CSMD1: variants seen among roughly 807,000 people sequenced by gnomAD.
The protein encoded by CSMD1 is CUB and sushi domain-containing protein 1.
CSMD1 carries 213 observed loss-of-function variants against 417.5 expected under a neutral mutation model. The ratio of observed to expected loss-of-function variants is 0.51; its 90% CI spans 0.46 to 0.57. The LOEUF (loss-of-function observed/expected upper bound fraction) is 0.57. Among genes scored for constraint, CSMD1 ranks in the 20% least tolerant of loss-of-function variants. The pLI is 0.00. For missense variants in CSMD1, 6,923 were observed against 4,529.7 expected (o/e 1.53, Z -15.17); for synonymous variants, 2,862 against 1,736.8 (o/e 1.65, Z -16.11).
At chr8:3,847,364 G>C (rs1268365933) in intron 5 of CSMD1, among the ~76,000 whole-genome samples, 1 of 152,136 alleles carries the variant, frequency 6.6e-6, no homozygotes, top group Non-Finnish European at 1.5e-5. Flanking sequence ...GGAAGCAGAA[G>C]TGGTCCCCTC....
intron 1 of CSMD1, among the ~76,000 whole-genome samples, chr8:4,697,135 G>A (rs919024527): frequency 1.3e-5 from 2 of 152,080 alleles, no homozygotes; most frequent in Non-Finnish European, 2.9e-5. Context: ...TCGCGCCACT[G>A]CACTACAGCC....
intron 5 of CSMD1, among the ~76,000 whole-genome samples, chr8:3,904,392 T>C (rs1807967554): frequency 6.6e-6 from 1 of 152,148 alleles, no homozygotes; most frequent in Non-Finnish European, 1.5e-5. Flanking sequence ...GAAACCTCTT[T>C]ATTGCAATGG....
chr8:4,969,101 G>A (rs906425469), intron 1 of CSMD1, among the ~76,000 whole-genome samples: 3 of 152,088 alleles, frequency 2.0e-5, no homozygotes, highest in Admixed American at 2.0e-4. Flanking sequence ...CCTGGTGGTT[G>A]CTTTTATAAT....
intron 3 of CSMD1, among the ~76,000 whole-genome samples, chr8:4,354,398 C>T (rs1173155219): frequency 6.6e-6 from 1 of 152,150 alleles, no homozygotes; most frequent in Non-Finnish European, 1.5e-5. Flanking sequence ...TTAAAATACA[C>T]CGTTCCCCAA....
intron 3 of CSMD1, among the ~76,000 whole-genome samples, chr8:4,375,056 T>G (rs377683791): frequency 2.0e-5 from 3 of 151,082 alleles, no homozygotes; most frequent in Non-Finnish European, 4.4e-5. Context: ...GAGGCTGTTA[T>G]AGGTAGAAAA....
chr8:4,507,886 G>C (rs1428194289), intron 2 of CSMD1, among the ~76,000 whole-genome samples: 3 of 152,080 alleles, frequency 2.0e-5, no homozygotes, highest in African/African-American at 7.2e-5. Context: ...TAACATCTTT[G>C]AAATGAAAGT....
chr8:3,468,980 T>C (rs1288800432), intron 11 of CSMD1, among the ~76,000 whole-genome samples, 156 bp from the exon 12 acceptor site: 4 of 152,212 alleles, frequency 2.6e-5, no homozygotes, highest in Admixed American at 6.5e-5. Flanking sequence ...GTCCATTATA[T>C]TAATATTCAA....
chr8:4,888,028 G>A (rs979566679), intron 1 of CSMD1, among the ~76,000 whole-genome samples: 1 of 151,134 alleles, frequency 6.6e-6, no homozygotes, highest in South Asian at 2.1e-4. Flanking sequence ...TTCCTTTTTT[G>A]ACCCATATAT....
chr8:4,958,349 ACATGGT>A (rs1461213012), intron 1 of CSMD1, among the ~76,000 whole-genome samples: 1 of 152,164 alleles, frequency 6.6e-6, no homozygotes, highest in African/African-American at 2.4e-5. Context: ...TTAAAGGTGA[ACATGGT>A]TGATCTTTAC....
chr8:4,708,429 A>C (rs6992236), intron 1 of CSMD1, among the ~76,000 whole-genome samples: 1 of 151,826 alleles, frequency 6.6e-6, no homozygotes, highest in Non-Finnish European at 1.5e-5. Flanking sequence ...AAAACTGCTA[A>C]TAGTTTCACT....
Position 3,140,643 on chromosome 8 carries a change from A to G in CSMD1, c.6241+1822T>C, listed in dbSNP as rs577037919. The stretch of plus-strand genomic sequence containing the variant: ...AATGCCAAAGAGTTCATCATAAAAT[A>G]CTAGCCTCTTTCAGTAATAAATATC... On this transcript the variant is annotated intron_variant, in intron 41 of 69. Coordinates refer to ENST00000635120, the MANE Select transcript of CSMD1 (RefSeq NM_033225.6). 6.6e-5 allele frequency among the ~76,000 whole-genome samples: 10 copies of G among 152,242 alleles called. No homozygotes were observed. The East Asian group carries it at 1.9e-3, about 29-fold the overall frequency.
rs560816998 is a variant in CSMD1 at position 3,967,671 on chromosome 8, A to G, written c.818+30232T>C. Among the ~76,000 whole-genome samples, 16 of 152,238 alleles carry G rather than the reference A, an allele frequency of 1.1e-4. No homozygotes were observed. In the East Asian group the frequency reaches 2.1e-3, roughly 20 times the overall value. ...TCCCTGCCTACAATTGTCCTTGTCA[A>G]TACGTGCTGGGGTGAGCTTCAAAGG... On this transcript the variant is annotated intron_variant, in intron 5 of 69. Coordinates refer to ENST00000635120, the MANE Select transcript of CSMD1 (RefSeq NM_033225.6).
intron 3 of CSMD1, among the ~76,000 whole-genome samples, chr8:4,177,051 A>G (rs1798087595): frequency 6.6e-6 from 1 of 152,182 alleles, no homozygotes; most frequent in Non-Finnish European, 1.5e-5. Flanking sequence ...GATATCCAGG[A>G]ATTGAACTCA....
intron 3 of CSMD1, among the ~76,000 whole-genome samples, chr8:4,262,914 A>T (rs1803985699): frequency 6.6e-6 from 1 of 152,204 alleles, no homozygotes; most frequent in South Asian, 2.1e-4. Context: ...CATCATTTAA[A>T]TTAATGATGA....
At chr8:3,347,647 T>C (rs1237381275) in intron 22 of CSMD1, among the ~76,000 whole-genome samples, 3 of 152,216 alleles carry the variant, frequency 2.0e-5, no homozygotes, top group Non-Finnish European at 4.4e-5. Context: ...TCCACTTATA[T>C]TATTGTATTA....
intron 1 of CSMD1, among the ~76,000 whole-genome samples, chr8:4,981,099 G>A (rs948605226): frequency 6.6e-6 from 1 of 152,134 alleles, no homozygotes; most frequent in Non-Finnish European, 1.5e-5. Flanking sequence ...TATTTCCCAT[G>A]TGTGTACAAG....
intron 7 of CSMD1, among the ~76,000 whole-genome samples, chr8:3,652,334 T>A (rs1014805683): frequency 2.0e-5 from 3 of 151,544 alleles, no homozygotes; most frequent in Non-Finnish European, 4.4e-5. Context: ...CTCACCACCA[T>A]CAGCGTGCTT....
At chr8:4,169,252 A>T (rs1797628162) in intron 3 of CSMD1, among the ~76,000 whole-genome samples, 2 of 152,084 alleles carry the variant, frequency 1.3e-5, no homozygotes, top group South Asian at 4.1e-4. Flanking sequence ...CTGCACACAG[A>T]TGTCTGATGG....
chr8:3,214,812 G>T, intron 29 of CSMD1, 121 bp from the exon 30 acceptor site: 1 of 558,340 alleles, frequency 1.8e-6, no homozygotes, highest in Non-Finnish European at 3.0e-6. Flanking sequence ...TCCTAAATAA[G>T]TAAGAAATGC....
Sources: allele counts gnomAD v4.1 joint callset (sites outside exome capture counted in the v4.1 genomes callset), GRCh38; gene constraint gnomAD v4.1.1; transcripts MANE v1.5; gene names NCBI Gene and HGNC (gene_info 2026-07-23, HGNC 2026-07-21).